Variants in ZNF277 observed in about 807,000 individuals in gnomAD.
The protein encoded by ZNF277 is zinc finger protein 277, also known as nuclear receptor-interacting factor 4.
ZNF277 carries 55 observed loss-of-function variants against 60.7 expected under a neutral mutation model. The observed-to-expected ratio is 0.91, with a 90% confidence interval of 0.73 to 1.13. The LOEUF (loss-of-function observed/expected upper bound fraction) is 1.13. Ranked by LOEUF, ZNF277 falls within the 50% of genes most tolerant of loss-of-function variation. ZNF277 has a pLI of 0.00. For synonymous variants in ZNF277, 178 were observed against 179.3 expected (o/e 0.99, Z 0.06); for missense variants, 510 against 523.0 (o/e 0.98, Z 0.24).
intron 4 of ZNF277, among the ~76,000 whole-genome samples, chr7:112,316,617 T>G (rs1029685656): frequency 1.3e-5 from 2 of 152,174 alleles, no homozygotes; most frequent in African/African-American, 4.8e-5. Context: ...TTTGGTGTTT[T>G]AGTCATGAAG....
chr7:112,317,953 T>C (rs1022030569), intron 4 of ZNF277, among the ~76,000 whole-genome samples: 1 of 152,050 alleles, frequency 6.6e-6, no homozygotes, highest in Non-Finnish European at 1.5e-5. Flanking sequence ...GGTAAAACCT[T>C]GTTGATTTTA....
At chr7:112,263,405 T>C (rs1471324747) in intron 1 of ZNF277, among the ~76,000 whole-genome samples, 1 of 152,246 alleles carries the variant, frequency 6.6e-6, no homozygotes, top group Middle Eastern at 3.2e-3. Flanking sequence ...TGATTCTTAC[T>C]ACTTAACAAT....
At chr7:112,238,399 G>A (rs1790858356) in intron 1 of ZNF277, among the ~76,000 whole-genome samples, 1 of 152,192 alleles carries the variant, frequency 6.6e-6, no homozygotes, top group Non-Finnish European at 1.5e-5. Flanking sequence ...TCCAGCCTTT[G>A]GAACCTGAGT....
At chr7:112,264,291 C>T (rs1299744293) in intron 1 of ZNF277, among the ~76,000 whole-genome samples, 1 of 152,134 alleles carries the variant, frequency 6.6e-6, no homozygotes, top group African/African-American at 2.4e-5. Context: ...AATGCCCAAA[C>T]TTTCTTTAGC....
chr7:112,297,697 G>C (rs1190437214), intron 4 of ZNF277, among the ~76,000 whole-genome samples: 2 of 152,064 alleles, frequency 1.3e-5, no homozygotes, highest in African/African-American at 4.8e-5. Context: ...GCAAAACAAG[G>C]CTAAATTTAC....
chr7:112,337,602 C>G, intron 8 of ZNF277, 128 bp from the exon 9 acceptor site: 1 of 653,218 alleles, frequency 1.5e-6, no homozygotes, highest in Non-Finnish European at 2.5e-6. Flanking sequence ...ACAGTCTTTA[C>G]CAAAATGTCA....
intron 7 of ZNF277, among the ~76,000 whole-genome samples, chr7:112,334,398 T>C (rs2052302542): frequency 6.7e-6 from 1 of 150,224 alleles, no homozygotes; most frequent in South Asian, 2.1e-4. Context: ...TAGAGAGTTA[T>C]GTGCTTTTTT....
chr7:112,207,579 C>A (rs1034356925), intron 1 of ZNF277, among the ~76,000 whole-genome samples: 3 of 152,134 alleles, frequency 2.0e-5, no homozygotes, highest in East Asian at 1.9e-4. Flanking sequence ...GAATAAAAAA[C>A]CAAATTTTGA....
intron 11 of ZNF277, among the ~76,000 whole-genome samples, chr7:112,341,780 C>G (rs1290955089): frequency 6.6e-6 from 1 of 152,162 alleles, no homozygotes; most frequent in African/African-American, 2.4e-5. Context: ...TTCTAGCTGC[C>G]CAGAGCTCCT....
At chr7:112,292,936 A>T (rs1259423922) in intron 2 of ZNF277, among the ~76,000 whole-genome samples, 2 of 151,786 alleles carry the variant, frequency 1.3e-5, no homozygotes, top group African/African-American at 4.9e-5. Context: ...ATTATTCACT[A>T]CCTTAGTCTT....
chr7:112,296,276 A>C lies in ZNF277; in HGVS notation c.430A>C (p.Arg144=), dbSNP rs775817005. The change falls in exon 4 of 12, where the codon AGA becomes CGA. Residue 144 remains arginine (R), a synonymous_variant. Transcript: ENST00000361822. Reference sequence around the variant, plus strand: ...GTTATGTGACGTTTTACCAGAAGATAGAATTCTTAGAGAAGAGCTTCAGAA... The same window carrying C: ...GTTATGTGACGTTTTACCAGAAGATCGAATTCTTAGAGAAGAGCTTCAGAA... The part of the protein sequence containing the change: ...FLLCDVLPED[R]ILREELQKQR... 6.3e-7 allele frequency: 1 copy of C among 1,593,406 alleles called. No individual in the cohort carries two copies. The highest frequency in any genetic ancestry group is 1.8e-5 in the Admixed American group (1 of 55,280).
At chr7:112,247,654 TAG>T (rs2117004509) in intron 1 of ZNF277, among the ~76,000 whole-genome samples, 1 of 152,184 alleles carries the variant, frequency 6.6e-6, no homozygotes, top group East Asian at 1.9e-4. Context: ...AATTTAGAAT[TAG>T]AGAGTCTTTG....
In ZNF277 at chr7:112,295,962, G is replaced by T. The variant is rs747145604; in HGVS notation, c.382+5G>T. The T allele has an allele frequency of 6.2e-7, 1 of 1,600,128 alleles. No individual in the cohort carries two copies. The highest frequency in any genetic ancestry group is 2.2e-5 in the East Asian group (1 of 44,644). On this transcript the variant is annotated splice_donor_5th_base_variant and intron_variant, in intron 3 of 11. Transcript: ENST00000361822. ...TTAATTCCACTGCTCCATTTGGTAAGTGTACATCTTGGCTACCATCTTTTC... is the reference window on the plus strand; with the variant it reads ...TTAATTCCACTGCTCCATTTGGTAATTGTACATCTTGGCTACCATCTTTTC...
chr7:112,239,340 C>T (rs1228662758), intron 1 of ZNF277, among the ~76,000 whole-genome samples: 7 of 151,370 alleles, frequency 4.6e-5, no homozygotes, highest in South Asian at 2.1e-4. Flanking sequence ...GAAGGACACA[C>T]GTCTAGCTGG....
chr7:112,311,577 A>G (rs1349749599), intron 4 of ZNF277, among the ~76,000 whole-genome samples: 1 of 152,092 alleles, frequency 6.6e-6, no homozygotes, highest in East Asian at 1.9e-4. Flanking sequence ...AGATGGGCAC[A>G]TCTTCGATTT....
intron 2 of ZNF277, among the ~76,000 whole-genome samples, chr7:112,295,265 A>G (rs891668756): frequency 9.9e-5 from 15 of 152,118 alleles, no homozygotes; most frequent in Non-Finnish European, 1.5e-5. Flanking sequence ...TTGGTTTTTA[A>G]TTTAGCTGGT....
intron 1 of ZNF277, among the ~76,000 whole-genome samples, chr7:112,214,311 A>G (rs1821828071): frequency 6.6e-6 from 1 of 152,246 alleles, no homozygotes; most frequent in Non-Finnish European, 1.5e-5. Context: ...CAGTGATTAA[A>G]TCTTCAAATG....
chr7:112,337,934 C>G lies in ZNF277; in HGVS notation c.966+108C>G, dbSNP rs557710153. 3.3e-6 allele frequency: 3 copies of G among 905,312 alleles called. No homozygotes were observed. In the East Asian group the frequency reaches 8.8e-5, roughly 27 times the overall value. The allele number at this position is 905,312 out of a possible 1,614,324, so 56.1% of individuals were successfully genotyped here. ...TTCAGTTTCCCAATCATTATTCCAA[C>G]CAGAAGAGACAGGCCAGGTCTGTCA... On this transcript the variant is annotated intron_variant, in intron 9 of 11. Transcript: ENST00000361822.
rs753922515 is a variant in ZNF277, at chr7:112,305,119, C to T, written c.465+8808C>T. ...TCTCTAGAATCTCATGAGCTGGGCC[C>T]AGTGGCTCATGCCTGTAATCCCAGC... On this transcript the variant is annotated intron_variant, in intron 4 of 11. Transcript: ENST00000361822. 7.2e-5 allele frequency among the ~76,000 whole-genome samples: 11 copies of T among 152,064 alleles called. 1 individual carries two copies. Among genetic ancestry groups the T allele is most frequent in the Non-Finnish European group, 1.6e-4 (11 of 68,012 alleles).
Sources: allele counts gnomAD v4.1 joint callset (sites outside exome capture counted in the v4.1 genomes callset), GRCh38; gene constraint gnomAD v4.1.1; transcripts MANE v1.5; gene names NCBI Gene and HGNC (gene_info 2026-07-23, HGNC 2026-07-21).